The following ARPC1B variants were observed in gnomAD, a reference collection of about 807,000 sequenced individuals.
ARPC1B encodes actin related protein 2/3 complex subunit 1B.
ARPC1B carries 29 observed loss-of-function variants against 46.0 expected under a neutral mutation model. The ratio of observed to expected loss-of-function variants is 0.63; its 90% confidence interval spans 0.47 to 0.86. The LOEUF is 0.86. Ranked by LOEUF, ARPC1B falls within the 40% of genes least tolerant of loss-of-function variation. ARPC1B has a pLI of 0.00. For missense variants in ARPC1B, 469 were observed against 529.4 expected, an observed-to-expected ratio of 0.89 and a Z score of 1.12; for synonymous variants, 201 against 213.9, an observed-to-expected ratio of 0.94 and a Z score of 0.53.
rs1365622563 is a variant in ARPC1B, at chr7:99,392,784, C to G, written c.897C>G (p.Arg299=). ...KQSSQRGLTA[R]ERFQNLDKKA... ...GCTCGCAGCGTGGCTTGACGGCCCG[C>G]GAGCGCTTCCAGAACCTGGACAAGA... is the stretch of plus-strand genomic sequence containing the variant. Residue 299 remains arginine (R), a synonymous_variant, in exon 8 of 10, where the codon CGC becomes CGG. Coordinates refer to ENST00000646101, the MANE Select transcript of ARPC1B (RefSeq NM_005720.4). 6.5e-7 allele frequency: 1 copy of G among 1,549,754 alleles called. No individual in the cohort carries two copies. Among genetic ancestry groups the G allele is most frequent in the Non-Finnish European group, 8.7e-7 (1 of 1,146,726 alleles).
At position 99,384,729 on chromosome 7, in the gene ARPC1B, G is replaced by C. The variant is rs567957450; in HGVS notation, c.-13-973G>C. On this transcript the variant is annotated intron_variant, in intron 1 of 9. Coordinates refer to ENST00000646101, the MANE Select transcript of ARPC1B (RefSeq NM_005720.4). ...ATATCTGCCTTTGCCTCAGCCATGAGCCCCTGCAGACCGGCCACCTCCCTT... is the reference window on the plus strand; with the variant it reads ...ATATCTGCCTTTGCCTCAGCCATGACCCCCTGCAGACCGGCCACCTCCCTT... Among the ~76,000 whole-genome samples, 25 of 152,228 alleles carry C rather than the reference G, an allele frequency of 1.6e-4. No individual in the cohort carries two copies. In the South Asian group the frequency reaches 5.2e-3, roughly 32 times the overall value.
Position 99,394,621 on chromosome 7 carries a change from A to G in ARPC1B, c.*132A>G. ...TTCCCATAGGGGCTGCTCCCTCAAA[A>G]AGGGAGGGGACAGATGGGGAGCTTT... On this transcript the variant is annotated 3_prime_UTR_variant, in exon 10 of 10. Transcript: ENST00000646101. The G allele has an allele frequency of 2.0e-6, 3 of 1,509,658 alleles. No individual in the cohort carries two copies. Among genetic ancestry groups the G allele is most frequent in the Non-Finnish European group, 2.7e-6 (3 of 1,126,106 alleles). The allele number at this position is 1,509,658 out of a possible 1,614,324, so 93.5% of individuals were successfully genotyped here.
At chr7:99,384,914 A>G (rs1584403690) in intron 1 of ARPC1B, among the ~76,000 whole-genome samples, 1 of 112,328 alleles carries the variant, frequency 8.9e-6, no homozygotes, top group Admixed American at 9.8e-5. Context: ...CAGCCTCCTG[A>G]GTAGTGGGGA....
In ARPC1B at chr7:99,394,797, A is replaced by T; in HGVS notation, c.*308A>T. ...AACTGTGTAAAAAAAAAAAAAAAAA[A>T]AAAAGTAATTATGGACATGCTTGCC... is the stretch of plus-strand genomic sequence containing the variant. On this transcript the variant is annotated 3_prime_UTR_variant, in exon 10 of 10. Transcript: ENST00000646101. 1 of 1,235,494 alleles carries T rather than the reference A, an allele frequency of 8.1e-7. No individual in the cohort carries two copies. 76.5% of individuals were successfully genotyped at this position (1,235,494 alleles called of 1,614,324 possible).
intron 2 of ARPC1B, chr7:99,386,266 G>A (rs989190162): frequency 2.8e-6 from 1 of 358,404 alleles, no homozygotes. Flanking sequence ...AAAAAAAAGA[G>A]AGAAAGAAAG....
rs1280052812 is a variant in ARPC1B, at chr7:99,392,802, G to A, written c.915G>A (p.Leu305=). Residue 305 remains leucine, a synonymous_variant, in exon 8 of 10, where the codon CTG becomes CTA. Coordinates refer to ENST00000646101, the MANE Select transcript of ARPC1B (RefSeq NM_005720.4). ...GLTARERFQN[L]DKKASSEGGT... Reference sequence around the variant, plus strand: ...CGGCCCGCGAGCGCTTCCAGAACCTGGACAAGAAGGCGAGCTCCGAGGGTG... The same window carrying A: ...CGGCCCGCGAGCGCTTCCAGAACCTAGACAAGAAGGCGAGCTCCGAGGGTG... 6 of 1,550,036 alleles carry A rather than the reference G, an allele frequency of 3.9e-6. No homozygotes were observed. The highest frequency in any genetic ancestry group is 5.2e-6 in the Non-Finnish European group (6 of 1,146,806).
Position 99,394,593 on chromosome 7 carries a change from G to A in ARPC1B, c.*104G>A, listed in dbSNP as rs1219091885. On this transcript the variant is annotated 3_prime_UTR_variant, in exon 10 of 10. Transcript: ENST00000646101. ...CTGAATGTTTCTGGGGTACCAATAC[G>A]AGTTCCCATAGGGGCTGCTCCCTCA... 1.5e-5 allele frequency: 23 copies of A among 1,583,858 alleles called. 1 individual carries two copies. The highest frequency in any genetic ancestry group is 5.4e-5 in the African/African-American group (4 of 74,240).
chr7:99,387,908 A>AT, intron 3 of ARPC1B, 131 bp from the exon 4 acceptor site: 1 of 658,256 alleles, frequency 1.5e-6, no homozygotes, highest in Non-Finnish European at 2.7e-6. Context: ...TCAAAAAAAA[A>AT]AAAAAGTGCC....
intron 4 of ARPC1B, chr7:99,389,514 G>T (rs1794502112): frequency 1.1e-5 from 2 of 177,732 alleles, no homozygotes; most frequent in South Asian, 2.2e-4. Context: ...AGCCATGATT[G>T]CCAGTCCACG....
chr7:99,391,191 G>GC lies in ARPC1B; in HGVS notation c.723dup (p.Ser242LeufsTer2). Reference sequence around the variant, plus strand: ...CTCTCCCCTCAGCGTCGCGACTCTGGCCTCTGAAACACTACCACTGCTGGC... The same window carrying GC: ...CTCTCCCCTCAGCGTCGCGACTCTGGCCCTCTGAAACACTACCACTGCTGGC... On this transcript the variant is annotated frameshift_variant, in exon 7 of 10. Transcript: ENST00000646101. LOFTEE classifies it high-confidence loss of function. 6.2e-7 allele frequency: 1 copy of GC among 1,614,074 alleles called. No homozygotes were observed. The highest frequency in any genetic ancestry group is 8.5e-7 in the Non-Finnish European group (1 of 1,180,002).
chr7:99,388,171 G>C lies in ARPC1B; in HGVS notation c.302G>C (p.Cys101Ser). 6.2e-7 allele frequency: 1 copy of C among 1,614,270 alleles called. No individual in the cohort carries two copies. The highest frequency in any genetic ancestry group is 8.5e-7 in the Non-Finnish European group (1 of 1,180,042). ...VILRINRAARCVRWAPNENKF... is the reference protein window; with the variant it reads ...VILRINRAARSVRWAPNENKF... ...CTGCGGATCAACCGGGCTGCCCGCTGCGTGCGCTGGGCCCCCAACGAGAAC... is the reference window on the plus strand; with the variant it reads ...CTGCGGATCAACCGGGCTGCCCGCTCCGTGCGCTGGGCCCCCAACGAGAAC... Residue 101 changes from cysteine to serine, a missense_variant, in exon 4 of 10, where the codon TGC becomes TCC. Cys to Ser is a moderately radical substitution (Grantham distance 112). Transcript: ENST00000646101.
At chr7:99,391,389 T>A in intron 7 of ARPC1B, 136 bp downstream of exon 7, 1 of 948,456 alleles carries the variant, frequency 1.1e-6, no homozygotes, top group Non-Finnish European at 1.6e-6. Flanking sequence ...GTACCAGAAT[T>A]GGGCAGAACA....
At chr7:99,393,968 G>C in intron 8 of ARPC1B, 61 bp from the exon 9 acceptor site, 1 of 1,559,492 alleles carries the variant, frequency 6.4e-7, no homozygotes, top group Non-Finnish European at 8.8e-7. Flanking sequence ...TGGTGGACAG[G>C]GTGGGCCTGA....
chr7:99,393,411 T>C (rs1794645479), intron 8 of ARPC1B, among the ~76,000 whole-genome samples: 1 of 152,026 alleles, frequency 6.6e-6, no homozygotes, highest in Admixed American at 6.5e-5. Flanking sequence ...TACGGTTCTC[T>C]GGGGTGGCCA....
At chr7:99,393,151 C>T (rs1283482860) in intron 8 of ARPC1B, among the ~76,000 whole-genome samples, 1 of 152,056 alleles carries the variant, frequency 6.6e-6, no homozygotes, top group African/African-American at 2.4e-5. Flanking sequence ...GCAGAGGTCG[C>T]GTAGCGGGCC....
chr7:99,392,666 C>G lies in ARPC1B; in HGVS notation c.784-5C>G. The stretch of plus-strand genomic sequence containing the variant: ...GCGCTCCAATGGCCCCCGCCCTCCG[C>G]GCAGGGCCACGACTGCTTCCCGGTG... On this transcript the variant is annotated splice_polypyrimidine_tract_variant and splice_region_variant and intron_variant, in intron 7 of 9. Transcript: ENST00000646101. 1 of 1,511,318 alleles carries G rather than the reference C, an allele frequency of 6.6e-7. No individual in the cohort carries two copies. The highest frequency in any genetic ancestry group is 2.1e-4 in the Middle Eastern group (1 of 4,802). 93.6% of individuals were successfully genotyped at this position (1,511,318 alleles called of 1,614,324 possible).
chr7:99,376,984 A>AT (rs1562809160), intron 1 of ARPC1B, among the ~76,000 whole-genome samples: 1 of 152,102 alleles, frequency 6.6e-6, no homozygotes, highest in Non-Finnish European at 1.5e-5. Flanking sequence ...TGTTTCTTAC[A>AT]TATGTCTGTA....
chr7:99,379,410 G>A (rs998192952), intron 1 of ARPC1B, among the ~76,000 whole-genome samples: 21 of 152,128 alleles, frequency 1.4e-4, no homozygotes, highest in Non-Finnish European at 2.4e-4. Context: ...CGCTTAGCAC[G>A]GTGCAAATTA....
intron 7 of ARPC1B, among the ~76,000 whole-genome samples, chr7:99,392,414 G>T (rs1031216916): frequency 6.6e-6 from 1 of 152,242 alleles, no homozygotes; most frequent in South Asian, 2.1e-4. Context: ...CTCCCCTAGA[G>T]CAGGTGTAAC....
Sources: allele counts gnomAD v4.1 joint callset (sites outside exome capture counted in the v4.1 genomes callset), GRCh38; gene constraint gnomAD v4.1.1; transcripts MANE v1.5; gene names NCBI Gene and HGNC (gene_info 2026-07-23, HGNC 2026-07-21).